The following FTO variants were observed in gnomAD, a reference collection of about 807,000 sequenced individuals.
FTO encodes the protein alpha-ketoglutarate-dependent dioxygenase FTO.
A neutral mutation model predicts 63.9 loss-of-function variants in FTO; 47 were observed. That is an observed-to-expected ratio of 0.74 (90% CI 0.58 to 0.94). The LOEUF is 0.94. FTO is among the 40% of genes least tolerant of loss of function. The pLI is 0.00. For synonymous variants in FTO, 207 were observed against 224.4 expected, an observed-to-expected ratio of 0.92 and a Z score of 0.69; for missense variants, 562 against 618.1, an observed-to-expected ratio of 0.91 and a Z score of 0.96.
chr16:53,738,669 C>G (rs2076449630), intron 1 of FTO, among the ~76,000 whole-genome samples: 1 of 152,020 alleles, frequency 6.6e-6, no homozygotes, highest in Non-Finnish European at 1.5e-5. Context: ...GAGGAACTGC[C>G]AAACTGTTTT....
chr16:53,914,699 G>A (rs2151946713), intron 7 of FTO, among the ~76,000 whole-genome samples: 1 of 152,234 alleles, frequency 6.6e-6, no homozygotes, highest in South Asian at 2.1e-4. Context: ...AATGCTTAAG[G>A]GACTCACTAA....
rs544275822 is a variant in FTO at position 53,883,393 on chromosome 16, G to A, written c.1119+3406G>A. 4.6e-5 allele frequency among the ~76,000 whole-genome samples: 7 copies of A among 152,118 alleles called. No homozygotes were observed. The South Asian group carries it at 1.5e-3, about 32-fold the overall frequency. ...TCCCAGCACTTTGGGAGGCCGAGGC[G>A]GTGGATCACCTGAGGTCAGGAGTTC... On this transcript the variant is annotated intron_variant, in intron 6 of 8. Coordinates refer to ENST00000471389, the MANE Select transcript of FTO (RefSeq NM_001080432.3).
At chr16:53,939,211 G>C (rs772702833) in intron 8 of FTO, among the ~76,000 whole-genome samples, 13 of 152,154 alleles carry the variant, frequency 8.5e-5, no homozygotes, top group Non-Finnish European at 1.2e-4. Context: ...TCCAAAGTTA[G>C]CATATTTTTC....
intron 1 of FTO, among the ~76,000 whole-genome samples, chr16:53,801,737 T>C (rs2151715016): frequency 6.6e-6 from 1 of 151,966 alleles, no homozygotes; most frequent in East Asian, 1.9e-4. Flanking sequence ...TTTTTTTTTT[T>C]ACAATGAGCT....
At chr16:54,056,610 A>G (rs2085439575) in intron 8 of FTO, among the ~76,000 whole-genome samples, 1 of 152,188 alleles carries the variant, frequency 6.6e-6, no homozygotes, top group Non-Finnish European at 1.5e-5. Context: ...CTACATTGTG[A>G]GCAACCCTAT....
chr16:53,971,416 G>A (rs1460726895), intron 8 of FTO, among the ~76,000 whole-genome samples: 1 of 152,186 alleles, frequency 6.6e-6, no homozygotes, highest in African/African-American at 2.4e-5. Flanking sequence ...TATCCTTGAA[G>A]CATTATTATA....
intron 1 of FTO, among the ~76,000 whole-genome samples, chr16:53,720,365 A>T (rs1003007267): frequency 1.3e-5 from 2 of 152,002 alleles, no homozygotes; most frequent in Admixed American, 1.3e-4. Flanking sequence ...TGTAGATATA[A>T]ATATGATTTA....
intron 1 of FTO, among the ~76,000 whole-genome samples, chr16:53,757,663 A>G (rs982111518): frequency 6.6e-6 from 1 of 152,318 alleles, no homozygotes; most frequent in Middle Eastern, 3.4e-3. Flanking sequence ...TTTCAGAACT[A>G]TGTCCATCTT....
At chr16:54,033,378 C>T (rs1486507777) in intron 8 of FTO, among the ~76,000 whole-genome samples, 1 of 152,108 alleles carries the variant, frequency 6.6e-6, no homozygotes, top group East Asian at 1.9e-4. Flanking sequence ...GCAATAGCTT[C>T]AGGTTTGAAA....
At chr16:54,087,835 A>G (rs697769) in intron 8 of FTO, among the ~76,000 whole-genome samples, 94,123 of 151,574 alleles carry the variant, frequency 0.62, 30,197 homozygotes, top group African/African-American at 0.8. Flanking sequence ...AGATGCAAAG[A>G]AATTGTTTCA....
Position 53,979,623 on chromosome 16 carries a change from A to G in FTO, c.1364+45514A>G, listed in dbSNP as rs1212752362. On this transcript the variant is annotated intron_variant, in intron 8 of 8. Coordinates refer to ENST00000471389, the MANE Select transcript of FTO (RefSeq NM_001080432.3). ...TTTTCCCCTTCCTTTTGTGGCGTAC[A>G]TGTTAACTGTTAACAGCTGCAGTGC... The G allele has an allele frequency of 1.0e-5, 4 of 388,838 alleles. No individual in the cohort carries two copies. In the Admixed American group the frequency reaches 1.8e-4, roughly 17 times the overall value. The allele number at this position is 388,838 out of a possible 1,614,324, so 24.1% of individuals were successfully genotyped here.
intron 8 of FTO, among the ~76,000 whole-genome samples, chr16:54,021,597 C>T (rs1377391980): frequency 6.6e-6 from 1 of 152,198 alleles, no homozygotes; most frequent in Non-Finnish European, 1.5e-5. Context: ...TCAAGCAATT[C>T]TCCTGCCTCA....
Position 53,816,650 on chromosome 16 carries a change from T to TTA in FTO, c.123+6433_123+6434insTA. 3.9e-5 allele frequency among the ~76,000 whole-genome samples: 6 copies of TTA among 152,266 alleles called. 2 individuals are homozygous for TTA. The highest frequency in any genetic ancestry group is 3.9e-4 in the Admixed American group (6 of 15,296). ...CATCTGCAGATATTGTATCCTTGTT[T>TTA]CTTGCTTTCTTCTGCTCTGATGTCA... On this transcript the variant is annotated intron_variant, in intron 2 of 8. Transcript: ENST00000471389.
At chr16:53,715,804 C>T (rs1367948467) in intron 1 of FTO, among the ~76,000 whole-genome samples, 1 of 152,084 alleles carries the variant, frequency 6.6e-6, no homozygotes, top group Non-Finnish European at 1.5e-5. Flanking sequence ...CTCAGGTGCC[C>T]TCTTGGCAGT....
At chr16:53,810,484 GCTC>G in intron 2 of FTO, among the ~76,000 whole-genome samples, 1 of 152,232 alleles carries the variant, frequency 6.6e-6, no homozygotes, top group Middle Eastern at 3.4e-3. Context: ...CTTCTGCCTA[GCTC>G]CTCCTCCTTC....
chr16:53,934,587 A>G (rs1167665673), intron 8 of FTO, among the ~76,000 whole-genome samples: 1 of 151,820 alleles, frequency 6.6e-6, no homozygotes, highest in African/African-American at 2.4e-5. Context: ...CATTGTGTGA[A>G]CCCCGCAAAC....
intron 3 of FTO, among the ~76,000 whole-genome samples, chr16:53,832,869 C>G (rs2079180992): frequency 6.6e-6 from 1 of 152,136 alleles, no homozygotes; most frequent in South Asian, 2.1e-4. Flanking sequence ...TTCCTGGTAA[C>G]CACTGTTCTG....
intron 1 of FTO, among the ~76,000 whole-genome samples, chr16:53,804,383 T>G (rs73607083): frequency 0.1 from 15,369 of 152,170 alleles, 1,115 homozygotes; most frequent in African/African-American, 0.21. Flanking sequence ...AAATTGAGAA[T>G]GAGCGAGTTT....
At chr16:53,804,254 T>C (rs1020842012) in intron 1 of FTO, among the ~76,000 whole-genome samples, 1 of 152,210 alleles carries the variant, frequency 6.6e-6, no homozygotes, top group Non-Finnish European at 1.5e-5. Context: ...CCTGCCTCAC[T>C]GTTTGAATGC....
Sources: gnomAD v4.1 joint callset for allele counts (sites outside exome capture counted in the v4.1 genomes callset) on GRCh38, gnomAD v4.1.1 for gene constraint, MANE v1.5 for transcripts, NCBI Gene and HGNC (gene_info 2026-07-23, HGNC 2026-07-21) for gene names.